Variants in LMO3 observed in about 807,000 individuals in gnomAD.
LMO3 encodes the protein LIM domain only protein 3.
Under a neutral mutation model 15.8 loss-of-function variants are expected in LMO3, and 2 were observed. The ratio of observed to expected loss-of-function variants is 0.13; its 90% CI spans 0.05 to 0.40. The LOEUF (loss-of-function observed/expected upper bound fraction) is 0.40. LMO3 is among the 10% of genes least tolerant of loss of function. LMO3 has a pLI of 0.99. For missense variants in LMO3, 86 were observed against 182.2 expected (o/e 0.47, Z 3.04); for synonymous variants, 62 against 63.8 (o/e 0.97, Z 0.13).
intron 2 of LMO3, among the ~76,000 whole-genome samples, chr12:16,590,370 T>G (rs576371471): frequency 6.6e-6 from 1 of 152,218 alleles, no homozygotes; most frequent in East Asian, 1.9e-4. Flanking sequence ...CAATATGTCC[T>G]TAATGTATCT....
At chr12:16,561,851 G>A (rs955454454) in intron 2 of LMO3, among the ~76,000 whole-genome samples, 1 of 152,184 alleles carries the variant, frequency 6.6e-6, no homozygotes, top group African/African-American at 2.4e-5. Flanking sequence ...TAAGCGCCTT[G>A]AAGGTAGAAA....
Position 16,600,661 on chromosome 12 carries a change from T to C in LMO3, c.200A>G (p.Tyr67Cys). 2 of 1,613,686 alleles carry C rather than the reference T, an allele frequency of 1.2e-6. No homozygotes were observed. Among genetic ancestry groups the C allele is most frequent in the Non-Finnish European group, 1.7e-6 (2 of 1,179,608 alleles). The change falls in exon 2 of 4, where the codon TAT becomes TGT. Residue 67 changes from tyrosine (Y) to cysteine (C), a missense_variant. Physicochemically the swap from Tyr to Cys is radical, Grantham distance 194. Coordinates refer to ENST00000537304, the MANE Select transcript of LMO3 (RefSeq NM_018640.5). ...KANLILCRRD[Y>C]LRLFGVTGNC... is the part of the protein sequence containing the mutation. Reference sequence around the variant, plus strand: ...GTGCAAGGATAATTCCTACCTCAGATAGTCTCTGCGACAAAGGATAAGATT... The same window carrying C: ...GTGCAAGGATAATTCCTACCTCAGACAGTCTCTGCGACAAAGGATAAGATT...
intron 2 of LMO3, among the ~76,000 whole-genome samples, chr12:16,588,568 G>T (rs1943395588): frequency 6.6e-6 from 1 of 152,024 alleles, no homozygotes; most frequent in South Asian, 2.1e-4. Flanking sequence ...AAAGGAAATA[G>T]AATTTTCAGT....
intron 3 of LMO3, among the ~76,000 whole-genome samples, chr12:16,554,133 T>C (rs962380105): frequency 1.3e-5 from 2 of 152,198 alleles, no homozygotes; most frequent in Non-Finnish European, 2.9e-5. Context: ...TTGAGTGATT[T>C]AGCTGACTTC....
rs144317294 is a variant in LMO3, at chr12:16,596,225, T to A, written c.206+4430A>T. Among the ~76,000 whole-genome samples the A allele has an allele frequency of 1.4e-3, 213 of 151,718 alleles. No individual in the cohort carries two copies. Among genetic ancestry groups the A allele is most frequent in the Admixed American group, 3.5e-3 (54 of 15,216 alleles). On this transcript the variant is annotated intron_variant, in intron 2 of 3. Transcript: ENST00000537304. This position sits in a 1 kb window ranked among gnomAD's most constrained non-coding sequence, Gnocchi z 4.3. Reference sequence around the variant, plus strand: ...AAGCCTATAAAATTTGTAGTCAGCATAGCAAGCTTCAAATCATTTTAGTTA... The same window carrying A: ...AAGCCTATAAAATTTGTAGTCAGCAAAGCAAGCTTCAAATCATTTTAGTTA...
rs1033951418 is a variant in LMO3, at chr12:16,596,519, G to T, written c.206+4136C>A. Among the ~76,000 whole-genome samples the T allele has an allele frequency of 1.1e-4, 17 of 151,536 alleles. No homozygotes were observed. The highest frequency in any genetic ancestry group is 3.9e-4 in the Admixed American group (6 of 15,206). Reference sequence around the variant, plus strand: ...TGCTTAAAGTACGTCACAAAAAGTTGCAGGTTCAAAGAAAGAACAACAAAA... The same window carrying T: ...TGCTTAAAGTACGTCACAAAAAGTTTCAGGTTCAAAGAAAGAACAACAAAA... On this transcript the variant is annotated intron_variant, in intron 2 of 3. Transcript: ENST00000537304. The surrounding 1 kb of genome is among the most constrained non-coding windows in gnomAD (Gnocchi z 4.3).
chr12:16,568,087 A>G (rs1011126497), intron 2 of LMO3, among the ~76,000 whole-genome samples: 2 of 152,190 alleles, frequency 1.3e-5, no homozygotes, highest in Non-Finnish European at 2.9e-5. Context: ...AATAAAAAGG[A>G]ATACTAAAGG....
At position 16,548,877 on chromosome 12, in the gene LMO3, T is replaced by C. The variant is rs1284099796; in HGVS notation, c.*2345A>G. ...TAATCCAGGTGAGTAATTTTGTTTG[T>C]AGTAAAAAGCATAAGAAATAATTCT... is the stretch of plus-strand genomic sequence containing the variant. On this transcript the variant is annotated 3_prime_UTR_variant, in exon 4 of 4. Transcript: ENST00000537304. The surrounding 1 kb of genome is among the most constrained non-coding windows in gnomAD (Gnocchi z 4.2). 1 of 152,094 alleles carries C rather than the reference T, an allele frequency of 6.6e-6. No homozygotes were observed. The highest frequency in any genetic ancestry group is 6.6e-5 in the Admixed American group (1 of 15,262). The allele number at this position is 152,094 out of a possible 1,614,324, so 9.4% of individuals were successfully genotyped here. A position where few individuals can be genotyped will look rare whatever the true frequency, so the allele number is the denominator to read the frequency against.
chr12:16,608,844 C>T (rs922566486), upstream of LMO3: 1 of 152,018 alleles, frequency 6.6e-6, no homozygotes, highest in African/African-American at 2.4e-5. The surrounding 1 kb of genome is among the most constrained non-coding windows in gnomAD (Gnocchi z 4.1). Context: ...ATTCATTTTC[C>T]CCTAAAATGT....
rs568335902 is a variant in LMO3, at chr12:16,596,890, G to A, written c.206+3765C>T. Among the ~76,000 whole-genome samples the A allele has an allele frequency of 4.6e-5, 7 of 151,610 alleles. No individual in the cohort carries two copies. The highest frequency in any genetic ancestry group is 1.7e-4 in the African/African-American group (7 of 41,438). ...ACAAAGATGTTTCTATATCTAATTT[G>A]TCATAAGTTACTCTTCAAAAAAATA... is the stretch of plus-strand genomic sequence containing the variant. On this transcript the variant is annotated intron_variant, in intron 2 of 3. Coordinates refer to ENST00000537304, the MANE Select transcript of LMO3 (RefSeq NM_018640.5). The surrounding 1 kb of genome is among the most constrained non-coding windows in gnomAD (Gnocchi z 4.3).
upstream of LMO3, chr12:16,609,096 A>G (rs866592500): frequency 6.6e-6 from 1 of 152,224 alleles, no homozygotes; most frequent in Non-Finnish European, 1.5e-5. Context: ...ATTCACAGAA[A>G]AAATCATCAG....
At position 16,589,643 on chromosome 12, in the gene LMO3, A is replaced by G. The variant is rs1042984536; in HGVS notation, c.206+11012T>C. 1 of 152,080 alleles carries G rather than the reference A, an allele frequency of 6.6e-6. No individual in the cohort carries two copies. Among genetic ancestry groups the G allele is most frequent in the Non-Finnish European group, 1.5e-5 (1 of 68,002 alleles). 9.4% of individuals were successfully genotyped at this position (152,080 alleles called of 1,614,324 possible). A position where few individuals can be genotyped will look rare whatever the true frequency, so the allele number is the denominator to read the frequency against. On this transcript the variant is annotated intron_variant, in intron 2 of 3. Coordinates refer to ENST00000537304, the MANE Select transcript of LMO3 (RefSeq NM_018640.5). The surrounding 1 kb of genome is among the most constrained non-coding windows in gnomAD (Gnocchi z 4.2). ...GTTTGTTTAATAACTATCACTGACA[A>G]GATTATTTCAGATTATTTAAACACC...
Position 16,591,392 on chromosome 12 carries a change from C to A in LMO3, c.206+9263G>T, listed in dbSNP as rs979839206. On this transcript the variant is annotated intron_variant, in intron 2 of 3. Transcript: ENST00000537304. This position sits in a 1 kb window ranked among gnomAD's most constrained non-coding sequence, Gnocchi z 4.1. ...CTGTCTGCACCCCCTCCACACAAAC[C>A]AAAATTCTACAAACCTCTTGTACTG... is the stretch of plus-strand genomic sequence containing the variant. Among the ~76,000 whole-genome samples the A allele has an allele frequency of 1.3e-5, 2 of 152,048 alleles. No homozygotes were observed. Among genetic ancestry groups the A allele is most frequent in the African/African-American group, 2.4e-5 (1 of 41,432 alleles).
chr12:16,601,840 T>C (rs984425593), intron 1 of LMO3: 1 of 152,220 alleles, frequency 6.6e-6, no homozygotes, highest in Admixed American at 6.5e-5. Flanking sequence ...ATCTTTTGAA[T>C]GAATGGACAT....
chr12:16,588,704 C>G (rs980190169), intron 2 of LMO3, among the ~76,000 whole-genome samples: 12 of 152,064 alleles, frequency 7.9e-5, no homozygotes, highest in African/African-American at 2.9e-4. Context: ...GCCTAAAGTG[C>G]ACATATTTAG....
chr12:16,605,857 A>C (rs1943978545), intron 1 of LMO3: 1 of 1,525,996 alleles, frequency 6.6e-7, no homozygotes, highest in African/African-American at 1.4e-5. Flanking sequence ...AAAATAATGA[A>C]GCCTCACATG....
Position 16,589,066 on chromosome 12 carries a change from G to A in LMO3, c.206+11589C>T, listed in dbSNP as rs1943411570. Among the ~76,000 whole-genome samples, 1 of 151,966 alleles carries A rather than the reference G, an allele frequency of 6.6e-6. No homozygotes were observed. The highest frequency in any genetic ancestry group is 6.6e-5 in the Admixed American group (1 of 15,250). On this transcript the variant is annotated intron_variant, in intron 2 of 3. Transcript: ENST00000537304. This position sits in a 1 kb window ranked among gnomAD's most constrained non-coding sequence, Gnocchi z 4.2. ...AATGTGAAGCTGGGGTGTAGCAGAA[G>A]GGGGTCGACGTCAGGTCTGGATACC...
rs1462578912 is a variant in LMO3, at chr12:16,560,144, A to C, written c.332+269T>G. Among the ~76,000 whole-genome samples, 1 of 152,206 alleles carries C rather than the reference A, an allele frequency of 6.6e-6. No homozygotes were observed. The highest frequency in any genetic ancestry group is 1.5e-5 in the Non-Finnish European group (1 of 68,032). On this transcript the variant is annotated intron_variant, in intron 3 of 3. Coordinates refer to ENST00000537304, the MANE Select transcript of LMO3 (RefSeq NM_018640.5). The surrounding 1 kb of genome is among the most constrained non-coding windows in gnomAD (Gnocchi z 5.0). ...AAAAAGACAGGAAAATAATAAAAGA[A>C]GGAATGAGTAAAAGAAGTCAGAGTT...
Position 16,604,593 on chromosome 12 carries a change from C to A in LMO3, c.-9+1473G>T. The A allele has an allele frequency of 2.0e-6, 1 of 502,738 alleles. No individual in the cohort carries two copies. Among genetic ancestry groups the A allele is most frequent in the Non-Finnish European group, 3.5e-6 (1 of 283,636 alleles). 31.1% of individuals were successfully genotyped at this position (502,738 alleles called of 1,614,324 possible). On this transcript the variant is annotated intron_variant, in intron 1 of 3. Coordinates refer to ENST00000537304, the MANE Select transcript of LMO3 (RefSeq NM_018640.5). The surrounding 1 kb of genome is among the most constrained non-coding windows in gnomAD (Gnocchi z 5.3). ...AAAAAAAATAAGAAACATACATACA[C>A]TCTAACAAAGAATCCCTTGCGGAGT... is the stretch of plus-strand genomic sequence containing the variant.
Sources: gnomAD v4.1 joint callset for allele counts (sites outside exome capture counted in the v4.1 genomes callset) on GRCh38, gnomAD v4.1.1 for gene constraint, Gnocchi (gnomAD v3.1) non-coding constraint, MANE v1.5 for transcripts, NCBI Gene and HGNC (gene_info 2026-07-23, HGNC 2026-07-21) for gene names.